Variants in LRRC58 observed in about 807,000 individuals in gnomAD.
The protein encoded by LRRC58 is leucine-rich repeat-containing protein 58.
LRRC58 carries 18 observed loss-of-function variants against 30.6 expected under a neutral mutation model. That is an observed-to-expected ratio of 0.59 (90% confidence interval 0.41 to 0.87). The LOEUF is 0.87. LRRC58 is among the 40% of genes least tolerant of loss of function. The pLI is 0.00. For missense variants in LRRC58, 420 were observed against 468.4 expected (o/e 0.90, Z 0.95); for synonymous variants, 221 against 206.0 (o/e 1.07, Z -0.62).
chr3:120,334,907 TAAG>T lies in LRRC58; in HGVS notation c.859_861del (p.Leu287del), dbSNP rs758267452. On this transcript the variant is annotated inframe_deletion, in exon 3 of 4. Transcript: ENST00000295628. Reference sequence around the variant, plus strand: ...CAATTGCTGGCTGAACCCAAGTATCTAAGAAGATTTCCAGGAAGATCATAGGGA... The same window carrying T: ...CAATTGCTGGCTGAACCCAAGTATCTAAGATTTCCAGGAAGATCATAGGGA... 6.2e-6 allele frequency: 10 copies of T among 1,613,762 alleles called. No homozygotes were observed. Among genetic ancestry groups the T allele is most frequent in the East Asian group, 2.2e-5 (1 of 44,870 alleles).
chr3:120,338,208 C>T (rs1243414832), intron 1 of LRRC58, among the ~76,000 whole-genome samples: 1 of 152,114 alleles, frequency 6.6e-6, no homozygotes, highest in African/African-American at 2.4e-5. Flanking sequence ...ACACTGCTTA[C>T]CAGTTTTATT....
rs368518497 is a variant in LRRC58, at chr3:120,334,889, T to C, written c.880A>G (p.Ser294Gly). 2.5e-6 allele frequency: 4 copies of C among 1,613,556 alleles called. No homozygotes were observed. The highest frequency in any genetic ancestry group is 3.4e-6 in the Non-Finnish European group (4 of 1,179,626). ...CCACACTTTGGGTTTGGGCAATTGC[T>C]GGCTGAACCCAAGTATCTAAGAAGA... is the stretch of plus-strand genomic sequence containing the variant. ...GNLLRYLGSA[S>G]NCPNPKCGGV... The change falls in exon 3 of 4, where the codon AGC (serine) becomes GGC (glycine). Residue 294 changes from serine to glycine, a missense_variant. Physicochemically the swap from Ser to Gly is moderately conservative, Grantham distance 56 (BLOSUM62 0). Around this residue, in one of 2 missense-constraint regions of LRRC58, gnomAD observed 154 missense variants for 216.8 expected, o/e 0.71. Transcript: ENST00000295628.
In LRRC58 at chr3:120,326,431, A is replaced by G. The variant is rs1935674308; in HGVS notation, c.*4769T>C. The G allele has an allele frequency of 6.6e-6, 1 of 152,234 alleles. No individual in the cohort carries two copies. Among genetic ancestry groups the G allele is most frequent in the African/African-American group, 2.4e-5 (1 of 41,458 alleles). 9.4% of individuals were successfully genotyped at this position (152,234 alleles called of 1,614,324 possible). ...TGATCTGCCTGCCTCTGCCTCCCAA[A>G]GTGCCAGGATTACTGGCGTGAGCCA... On this transcript the variant is annotated 3_prime_UTR_variant, in exon 4 of 4. Coordinates refer to ENST00000295628, the MANE Select transcript of LRRC58 (RefSeq NM_001099678.2).
chr3:120,347,041 T>C (rs1195322592), intron 1 of LRRC58, among the ~76,000 whole-genome samples: 2 of 152,370 alleles, frequency 1.3e-5, no homozygotes, highest in African/African-American at 4.8e-5. Flanking sequence ...CCTCCTTGCC[T>C]CTGGGCTTTC....
intron 1 of LRRC58, among the ~76,000 whole-genome samples, chr3:120,339,386 A>G (rs1935874919): frequency 6.6e-6 from 1 of 152,212 alleles, no homozygotes; most frequent in Non-Finnish European, 1.5e-5. Context: ...CAGATTTATC[A>G]ATATGTTTTA....
chr3:120,340,958 A>G (rs1463214187), intron 1 of LRRC58, among the ~76,000 whole-genome samples: 2 of 152,228 alleles, frequency 1.3e-5, no homozygotes, highest in Non-Finnish European at 2.9e-5. Flanking sequence ...CTGATCGTGT[A>G]AAGCTTTTCA....
At chr3:120,336,816 T>C (rs1935840592) in intron 1 of LRRC58, among the ~76,000 whole-genome samples, 1 of 149,120 alleles carries the variant, frequency 6.7e-6, no homozygotes, top group Admixed American at 6.7e-5. Flanking sequence ...GGTAGCAGGA[T>C]CAGTTCTTAC....
intron 1 of LRRC58, among the ~76,000 whole-genome samples, chr3:120,342,473 G>A (rs1935916477): frequency 6.6e-6 from 1 of 152,160 alleles, no homozygotes; most frequent in African/African-American, 2.4e-5. Flanking sequence ...TGCCGGGAGA[G>A]AGGAACCACC....
chr3:120,334,842 T>A lies in LRRC58; in HGVS notation c.907+20A>T. On this transcript the variant is annotated intron_variant, in intron 3 of 3. Coordinates refer to ENST00000295628, the MANE Select transcript of LRRC58 (RefSeq NM_001099678.2). ...AAAATAGCTAAATAAGTGGGAAACA[T>A]GAATACTGAATTAACTTACCTCCAC... 3 of 1,590,962 alleles carry A rather than the reference T, an allele frequency of 1.9e-6. No individual in the cohort carries two copies. The highest frequency in any genetic ancestry group is 1.1e-5 in the South Asian group (1 of 87,010).
In LRRC58 at chr3:120,330,560, A is replaced by G. The variant is rs1468982221; in HGVS notation, c.*640T>C. ...TACATAAGGTTAATAGCAATCATAT[A>G]GAACAAAGGATAATAATGAAAAAGT... On this transcript the variant is annotated 3_prime_UTR_variant, in exon 4 of 4. Coordinates refer to ENST00000295628, the MANE Select transcript of LRRC58 (RefSeq NM_001099678.2). 2 of 152,232 alleles carry G rather than the reference A, an allele frequency of 1.3e-5. No homozygotes were observed. Among genetic ancestry groups the G allele is most frequent in the Admixed American group, 1.3e-4 (2 of 15,286 alleles). 9.4% of individuals were successfully genotyped at this position (152,232 alleles called of 1,614,324 possible).
chr3:120,344,047 A>G (rs1410241214), intron 1 of LRRC58, among the ~76,000 whole-genome samples: 1 of 151,294 alleles, frequency 6.6e-6, no homozygotes, highest in Non-Finnish European at 1.5e-5. Context: ...TCCAAAAAAC[A>G]AATAAACAAA....
chr3:120,340,582 A>G (rs1935892273), intron 1 of LRRC58, among the ~76,000 whole-genome samples: 1 of 152,176 alleles, frequency 6.6e-6, no homozygotes, highest in Non-Finnish European at 1.5e-5. Flanking sequence ...TGTCTTTTTA[A>G]AAAATACATT....
Position 120,332,756 on chromosome 3 carries a change from T to TC in LRRC58, c.908-1349_908-1348insG, listed in dbSNP as rs202093193. On this transcript the variant is annotated intron_variant, in intron 3 of 3. Coordinates refer to ENST00000295628, the MANE Select transcript of LRRC58 (RefSeq NM_001099678.2). ...TTATCTCAAATTTTAAACTGATACT[T>TC]TTTTTTTTTAAGAGACAGGGTTTCA... Among the ~76,000 whole-genome samples, 755 of 149,406 alleles carry TC rather than the reference T, an allele frequency of 5.1e-3. 3 individuals carry two copies. Among genetic ancestry groups the TC allele is most frequent in the Non-Finnish European group, 8.7e-3 (584 of 67,058 alleles).
intron 1 of LRRC58, among the ~76,000 whole-genome samples, chr3:120,342,620 T>C (rs1935918210): frequency 6.6e-6 from 1 of 152,208 alleles, no homozygotes; most frequent in South Asian, 2.1e-4. Flanking sequence ...AGGGACCACC[T>C]GCCTACAGAG....
chr3:120,335,064 A>C lies in LRRC58; in HGVS notation c.705T>G (p.Ile235Met). ...TYLPREILNL[I>M]HLEELSLRGN... Reference sequence around the variant, plus strand: ...CTCGTAAACTCAACTCTTCCAAATGAATAAGGTTGAGGATCTCTCGAGGCA... The same window carrying C: ...CTCGTAAACTCAACTCTTCCAAATGCATAAGGTTGAGGATCTCTCGAGGCA... Residue 235 changes from isoleucine to methionine, a missense_variant, in exon 3 of 4, where the codon ATT becomes ATG. Ile to Met is a conservative substitution (Grantham distance 10, BLOSUM62 1). This residue lies in a region of LRRC58 where 154 missense variants were observed against 216.8 expected (regional missense o/e 0.71). Coordinates refer to ENST00000295628, the MANE Select transcript of LRRC58 (RefSeq NM_001099678.2). The C allele has an allele frequency of 6.2e-7, 1 of 1,613,982 alleles. No individual in the cohort carries two copies. The highest frequency in any genetic ancestry group is 8.5e-7 in the Non-Finnish European group (1 of 1,179,846).
chr3:120,334,751 A>G, intron 3 of LRRC58, 111 bp downstream of exon 3: 1 of 998,438 alleles, frequency 1.0e-6, no homozygotes, highest in South Asian at 1.9e-5. Context: ...CTCATAAATG[A>G]GTGAAAAAAT....
Position 120,337,907 on chromosome 3 carries a change from C to T in LRRC58, c.501-1954G>A, listed in dbSNP as rs932517861. On this transcript the variant is annotated intron_variant, in intron 1 of 3. Transcript: ENST00000295628. The stretch of plus-strand genomic sequence containing the variant: ...AGGCTGGAGTGCACTGGCATGATCT[C>T]GGCTCACTGCAACCTCTGCCTCACG... Among the ~76,000 whole-genome samples, 15 of 152,062 alleles carry T rather than the reference C, an allele frequency of 9.9e-5. No homozygotes were observed. The East Asian group carries it at 1.9e-3, about 20-fold the overall frequency.
intron 1 of LRRC58, among the ~76,000 whole-genome samples, chr3:120,347,097 A>G (rs958582829): frequency 6.6e-6 from 1 of 152,208 alleles, no homozygotes; most frequent in African/African-American, 2.4e-5. Flanking sequence ...GTAGGTCTTC[A>G]TAGAACTCAT....
At position 120,330,897 on chromosome 3, in the gene LRRC58, C is replaced by A; in HGVS notation, c.*303G>T. ...AAGTTATACTACTCATGACTTATTG[C>A]AGAACTGCTCTTCAAAAGGTACCAT... On this transcript the variant is annotated 3_prime_UTR_variant, in exon 4 of 4. Transcript: ENST00000295628. 2 of 370,596 alleles carry A rather than the reference C, an allele frequency of 5.4e-6. No individual in the cohort carries two copies. The highest frequency in any genetic ancestry group is 1.0e-5 in the Non-Finnish European group (2 of 195,930). 23.0% of individuals were successfully genotyped at this position (370,596 alleles called of 1,614,324 possible). A position where few individuals can be genotyped will look rare whatever the true frequency, so the allele number is the denominator to read the frequency against.
Sources: gnomAD v4.1 joint callset for allele counts (sites outside exome capture counted in the v4.1 genomes callset) on GRCh38, gnomAD v4.1.1 for gene constraint, gnomAD v4.1.1 regional missense constraint, MANE v1.5 for transcripts, NCBI Gene and HGNC (gene_info 2026-07-23, HGNC 2026-07-21) for gene names.